The following CSMD1 variants were observed in gnomAD, a reference collection of about 807,000 sequenced individuals.
CSMD1 encodes CUB and Sushi multiple domains 1.
In CSMD1, 213 loss-of-function variants were observed where a neutral mutation model predicts 417.5. The observed-to-expected ratio is 0.51, with a 90% confidence interval of 0.46 to 0.57. The LOEUF (loss-of-function observed/expected upper bound fraction) is 0.57, where lower values mean the gene tolerates loss of function less well. Among genes scored for constraint, CSMD1 ranks in the 20% least tolerant of loss-of-function variants. The probability of loss-of-function intolerance (pLI) is 0.00; values close to 1 mark genes in which losing one functional copy is unlikely to be tolerated. For synonymous variants in CSMD1, 2,862 were observed against 1,736.8 expected, an observed-to-expected ratio of 1.65 and a Z score of -16.11; for missense variants, 6,923 against 4,529.7, an observed-to-expected ratio of 1.53 and a Z score of -15.17.
In CSMD1 at chr8:3,707,506, C is replaced by T. The variant is rs114444447; in HGVS notation, c.1009+908G>A. ...TAGAAAGTCCTAGAAGAAGCGTGAGCAGAAAACGGCCCCTACAGGAAGTCA... is the reference window on the plus strand; with the variant it reads ...TAGAAAGTCCTAGAAGAAGCGTGAGTAGAAAACGGCCCCTACAGGAAGTCA... On this transcript the variant is annotated intron_variant, in intron 7 of 69. Transcript: ENST00000635120. Among the ~76,000 whole-genome samples, 816 of 152,296 alleles carry T rather than the reference C, an allele frequency of 5.4e-3. 10 individuals are homozygous for T. The highest frequency in any genetic ancestry group is 0.019 in the African/African-American group (785 of 41,566).
intron 10 of CSMD1, among the ~76,000 whole-genome samples, chr8:3,531,435 A>G (rs1797976602): frequency 1.3e-5 from 2 of 152,180 alleles, no homozygotes; most frequent in Admixed American, 1.3e-4. Flanking sequence ...TATATGTGAT[A>G]AACATCACCC....
chr8:4,384,487 T>C (rs566457967), intron 3 of CSMD1, among the ~76,000 whole-genome samples: 1 of 152,354 alleles, frequency 6.6e-6, no homozygotes, highest in East Asian at 1.9e-4. Flanking sequence ...TATCTATGAA[T>C]TTGTTGATCA....
intron 12 of CSMD1, among the ~76,000 whole-genome samples, chr8:3,425,878 A>G (rs1209684129): frequency 6.6e-6 from 1 of 152,148 alleles, no homozygotes; most frequent in Non-Finnish European, 1.5e-5. Flanking sequence ...GATGACCACA[A>G]AAGATTTTAG....
At chr8:4,785,472 G>A (rs997365328) in intron 1 of CSMD1, among the ~76,000 whole-genome samples, 1 of 152,056 alleles carries the variant, frequency 6.6e-6, no homozygotes, top group Admixed American at 6.6e-5. Context: ...CTAAGCTTTG[G>A]ACCTCAAGAC....
intron 5 of CSMD1, among the ~76,000 whole-genome samples, chr8:3,765,222 G>C (rs1798204469): frequency 6.6e-6 from 1 of 152,040 alleles, no homozygotes; most frequent in Non-Finnish European, 1.5e-5. Flanking sequence ...TCACTCCCTC[G>C]ACTGTCTGCT....
intron 2 of CSMD1, among the ~76,000 whole-genome samples, chr8:4,446,931 T>G (rs1798843983): frequency 7.1e-6 from 1 of 139,952 alleles, no homozygotes; most frequent in African/African-American, 3.0e-5. Context: ...GAGACCGTGT[T>G]TATTTAAAAA....
chr8:3,841,847 C>A (rs2129094562), intron 5 of CSMD1, among the ~76,000 whole-genome samples: 1 of 152,218 alleles, frequency 6.6e-6, no homozygotes, highest in South Asian at 2.1e-4. Context: ...ATCAAGCTAG[C>A]AGCTCCTCAA....
At chr8:3,802,937 A>G (rs1289334273) in intron 5 of CSMD1, among the ~76,000 whole-genome samples, 1 of 152,208 alleles carries the variant, frequency 6.6e-6, no homozygotes, top group Non-Finnish European at 1.5e-5. Context: ...CTACAAAAGA[A>G]AGACTTGAAA....
intron 2 of CSMD1, among the ~76,000 whole-genome samples, chr8:4,606,696 T>C (rs1455875398): frequency 6.6e-6 from 1 of 152,222 alleles, no homozygotes; most frequent in Non-Finnish European, 1.5e-5. Flanking sequence ...CATAATATTG[T>C]ATTATTGATC....
At chr8:4,658,968 T>C (rs1804414394) in intron 1 of CSMD1, among the ~76,000 whole-genome samples, 3 of 152,176 alleles carry the variant, frequency 2.0e-5, no homozygotes, top group Non-Finnish European at 4.4e-5. Flanking sequence ...TTGTAATGTC[T>C]GTGGTAACCA....
At chr8:3,404,885 G>C (rs1408568223) in intron 15 of CSMD1, among the ~76,000 whole-genome samples, 1 of 152,072 alleles carries the variant, frequency 6.6e-6, no homozygotes. Context: ...GTCCTCTGCT[G>C]TTTGAAGCTG....
chr8:4,279,336 A>T (rs1022560638), intron 3 of CSMD1, among the ~76,000 whole-genome samples: 1 of 152,228 alleles, frequency 6.6e-6, no homozygotes, highest in Admixed American at 6.5e-5. Flanking sequence ...ACACAAGACT[A>T]GACAGATACA....
intron 40 of CSMD1, among the ~76,000 whole-genome samples, chr8:3,144,176 G>T (rs546787874): frequency 1.3e-5 from 2 of 152,174 alleles, no homozygotes; most frequent in East Asian, 3.9e-4. Flanking sequence ...GCAAACTAAG[G>T]CTCTGAAATG....
chr8:3,567,859 T>C (rs13279490), intron 10 of CSMD1, among the ~76,000 whole-genome samples: 133,428 of 152,080 alleles, frequency 0.88, 58,877 homozygotes, highest in African/African-American at 0.91. Flanking sequence ...TCTCATTATA[T>C]AGTTGGACTC....
At chr8:4,141,654 TC>T (rs1410581403) in intron 3 of CSMD1, among the ~76,000 whole-genome samples, 1 of 132,802 alleles carries the variant, frequency 7.5e-6, no homozygotes, top group Non-Finnish European at 1.7e-5. Flanking sequence ...TTTTTAAATC[TC>T]CAGATCTCTA....
intron 1 of CSMD1, among the ~76,000 whole-genome samples, chr8:4,936,206 C>T (rs1258925667): frequency 6.6e-6 from 1 of 152,066 alleles, no homozygotes; most frequent in South Asian, 2.1e-4. Flanking sequence ...ATTATGCTTC[C>T]ATATAATAAA....
At position 4,414,860 on chromosome 8, in the gene CSMD1, G is replaced by A. The variant is rs80089315; in HGVS notation, c.415+5093C>T. On this transcript the variant is annotated intron_variant, in intron 3 of 69. Transcript: ENST00000635120. ...GGGTACAAAGAGTAATGGCCAGAGA[G>A]TAGGCATATGAGGTGCCATCTACTG... Among the ~76,000 whole-genome samples, 741 of 152,278 alleles carry A rather than the reference G, an allele frequency of 4.9e-3. 4 individuals carry two copies. The highest frequency in any genetic ancestry group is 8.0e-3 in the Non-Finnish European group (544 of 68,012).
intron 25 of CSMD1, among the ~76,000 whole-genome samples, chr8:3,299,399 C>T (rs185109738): frequency 1.0e-3 from 156 of 152,168 alleles, no homozygotes; most frequent in Non-Finnish European, 1.8e-3. Flanking sequence ...TTGCAGTGAG[C>T]CAAGATCACG....
chr8:3,318,393 A>T (rs61461961), intron 23 of CSMD1, among the ~76,000 whole-genome samples: 108 of 152,288 alleles, frequency 7.1e-4, no homozygotes, highest in African/African-American at 2.6e-3. Context: ...TTAGCATATG[A>T]AGTGCCTGCT....
Sources: allele counts gnomAD v4.1 joint callset (sites outside exome capture counted in the v4.1 genomes callset), GRCh38; gene constraint gnomAD v4.1.1; transcripts MANE v1.5; gene names NCBI Gene and HGNC (gene_info 2026-07-23, HGNC 2026-07-21).